The following LTBP1 variants were observed in gnomAD, a reference collection of about 807,000 sequenced individuals.
LTBP1 encodes latent transforming growth factor beta binding protein 1.
Under a neutral mutation model 207.6 loss-of-function variants are expected in LTBP1, and 129 were observed. The ratio of observed to expected loss-of-function variants is 0.62; its 90% CI spans 0.54 to 0.72. LTBP1 has a LOEUF of 0.72. Ranked by LOEUF, LTBP1 falls within the 30% of genes least tolerant of loss-of-function variation. LTBP1 has a pLI of 0.00. For synonymous variants in LTBP1, 963 were observed against 833.7 expected (o/e 1.16, Z -2.67); for missense variants, 2,281 against 2,217.2 (o/e 1.03, Z -0.58).
In LTBP1 at chr2:33,153,521, G is replaced by A. The variant is rs191025238; in HGVS notation, c.1201+18561G>A. Among the ~76,000 whole-genome samples the A allele has an allele frequency of 3.9e-5, 6 of 152,120 alleles. No homozygotes were observed. In the East Asian group the frequency reaches 1.2e-3, roughly 29 times the overall value. ...GCCTGCAAGCCTTAGAATGCGCTGG[G>A]GTCCTGCTACAAATGATAACAAATG... On this transcript the variant is annotated intron_variant, in intron 5 of 33. Transcript: ENST00000404816.
chr2:33,210,782 G>C (rs551233534), intron 7 of LTBP1, among the ~76,000 whole-genome samples: 1 of 152,144 alleles, frequency 6.6e-6, no homozygotes, highest in Non-Finnish European at 1.5e-5. Context: ...CTGGTGGTTG[G>C]TGTTATGCTT....
At chr2:33,247,222 G>A (rs1057309018) in intron 10 of LTBP1, among the ~76,000 whole-genome samples, 2 of 152,192 alleles carry the variant, frequency 1.3e-5, no homozygotes, top group African/African-American at 4.8e-5. Flanking sequence ...CCGTAGTCCT[G>A]GAAGTCATGA....
At chr2:33,251,780 A>G (rs1573433593) in intron 10 of LTBP1, among the ~76,000 whole-genome samples, 1 of 151,922 alleles carries the variant, frequency 6.6e-6, no homozygotes, top group African/African-American at 2.4e-5. Flanking sequence ...GGTTTGGGGA[A>G]TGGGCGGCGG....
intron 3 of LTBP1, among the ~76,000 whole-genome samples, chr2:33,048,826 T>G (rs558533087): frequency 6.6e-6 from 1 of 152,324 alleles, no homozygotes; most frequent in East Asian, 1.9e-4. Context: ...TTGAGAATGA[T>G]GCTGATAATC....
chr2:33,358,581 A>G (rs1475773506), intron 26 of LTBP1, among the ~76,000 whole-genome samples: 1 of 152,158 alleles, frequency 6.6e-6, no homozygotes, highest in African/African-American at 2.4e-5. Context: ...ACACCATGAC[A>G]TACTTACAAC....
intron 2 of LTBP1, among the ~76,000 whole-genome samples, chr2:32,973,568 G>C (rs13006653): frequency 0.37 from 56,887 of 151,904 alleles, 11,283 homozygotes; most frequent in East Asian, 0.74. Flanking sequence ...TCCCTACAAG[G>C]ACCCCCTTAT....
Position 32,947,022 on chromosome 2 carries a change from C to T in LTBP1, c.-303C>T, listed in dbSNP as rs1344560308. The T allele has an allele frequency of 1.3e-5, 3 of 229,538 alleles. No homozygotes were observed. Among genetic ancestry groups the T allele is most frequent in the Admixed American group, 1.1e-4 (2 of 17,452 alleles). The allele number at this position is 229,538 out of a possible 1,614,324, so 14.2% of individuals were successfully genotyped here. On this transcript the variant is annotated 5_prime_UTR_variant, in exon 1 of 34. Coordinates refer to ENST00000404816, the MANE Select transcript of LTBP1 (RefSeq NM_206943.4). ...GGCCCCGCTGCGGCGCGCGCTGCAA[C>T]CCCCGGCCGGACGCGCGGACCCTCA...
intron 3 of LTBP1, among the ~76,000 whole-genome samples, chr2:33,051,803 C>T (rs191074445): frequency 3.3e-5 from 5 of 152,314 alleles, no homozygotes; most frequent in African/African-American, 1.2e-4. Context: ...CTACATCTTG[C>T]TCAATCTGCT....
intron 5 of LTBP1, among the ~76,000 whole-genome samples, chr2:33,139,836 G>T (rs2082497303): frequency 6.6e-6 from 1 of 152,138 alleles, no homozygotes; most frequent in Non-Finnish European, 1.5e-5. Context: ...CTTAAATGTG[G>T]GACACATGAA....
At chr2:33,316,614 G>T (rs1010738643) in intron 24 of LTBP1, among the ~76,000 whole-genome samples, 1 of 152,168 alleles carries the variant, frequency 6.6e-6, no homozygotes, top group Non-Finnish European at 1.5e-5. Context: ...AGGAAGTTGG[G>T]AAATGGAAGA....
chr2:33,269,706 A>T (rs1401151992), intron 15 of LTBP1, among the ~76,000 whole-genome samples: 1 of 152,226 alleles, frequency 6.6e-6, no homozygotes, highest in Non-Finnish European at 1.5e-5. Flanking sequence ...ACTCGGTGGG[A>T]AAAGGTTTGC....
intron 2 of LTBP1, among the ~76,000 whole-genome samples, chr2:32,963,293 C>T (rs530701012): frequency 1.3e-5 from 2 of 152,250 alleles, no homozygotes; most frequent in South Asian, 2.1e-4. Flanking sequence ...TGATCTTGCA[C>T]TCCTGGGCTC....
intron 31 of LTBP1, among the ~76,000 whole-genome samples, chr2:33,380,140 A>G (rs532101104): frequency 2.0e-5 from 3 of 152,284 alleles, no homozygotes; most frequent in Admixed American, 6.5e-5. Context: ...GTTAAATTAC[A>G]TGTTTGTCAT....
chr2:33,243,091 G>A (rs774148715), intron 9 of LTBP1, among the ~76,000 whole-genome samples: 26 of 151,868 alleles, frequency 1.7e-4, no homozygotes, highest in African/African-American at 4.8e-4. Context: ...TCCCTTCCTC[G>A]CCCATCCATC....
chr2:33,122,052 G>C (rs991851528), intron 4 of LTBP1, among the ~76,000 whole-genome samples: 4 of 148,294 alleles, frequency 2.7e-5, no homozygotes, highest in Non-Finnish European at 4.5e-5. Flanking sequence ...CACACATCTT[G>C]TCATGGCTTC....
chr2:33,325,777 AAAAC>A (rs1376159898), intron 24 of LTBP1, among the ~76,000 whole-genome samples: 1 of 152,212 alleles, frequency 6.6e-6, no homozygotes, highest in Admixed American at 6.5e-5. Context: ...TAATGGAGCT[AAAAC>A]ACTCCACTTT....
At chr2:33,381,193 T>C (rs1308274252) in intron 31 of LTBP1, among the ~76,000 whole-genome samples, 1 of 152,218 alleles carries the variant, frequency 6.6e-6, no homozygotes, top group African/African-American at 2.4e-5. Context: ...ATGCCCCAGA[T>C]ACATTGGCAA....
At chr2:33,085,056 C>T (rs910947891) in intron 3 of LTBP1, among the ~76,000 whole-genome samples, 4 of 152,118 alleles carry the variant, frequency 2.6e-5, no homozygotes, top group Admixed American at 2.0e-4. Context: ...CCTTAGAAGA[C>T]ACAGAAGAGA....
chr2:33,173,267 TAAA>T (rs2085653229), intron 5 of LTBP1, among the ~76,000 whole-genome samples: 1 of 150,990 alleles, frequency 6.6e-6, no homozygotes, highest in East Asian at 1.9e-4. Context: ...GCAAGACTAA[TAAA>T]GAAGAAAAGA....
Sources: allele counts gnomAD v4.1 joint callset (sites outside exome capture counted in the v4.1 genomes callset), GRCh38; gene constraint gnomAD v4.1.1; transcripts MANE v1.5; gene names NCBI Gene and HGNC (gene_info 2026-07-23, HGNC 2026-07-21).